Variants in ASIC2 observed in about 807,000 individuals in gnomAD.
ASIC2 encodes the protein acid sensing ion channel subunit 2.
A neutral mutation model predicts 57.3 loss-of-function variants in ASIC2; 25 were observed. The observed-to-expected ratio is 0.44, with a 90% CI of 0.32 to 0.61. ASIC2 has a LOEUF of 0.61. Ranked by LOEUF, ASIC2 falls within the 20% of genes least tolerant of loss-of-function variation. The probability of loss-of-function intolerance (pLI) is 0.06; values close to 1 mark genes in which losing one functional copy is unlikely to be tolerated. For missense variants in ASIC2, 641 were observed against 738.1 expected (o/e 0.87, Z 1.52); for synonymous variants, 319 against 307.5 (o/e 1.04, Z -0.39).
Position 33,819,790 on chromosome 17 carries a change from A to C in ASIC2, c.555+336188T>G, listed in dbSNP as rs546306467. Among the ~76,000 whole-genome samples, 3 of 152,314 alleles carry C rather than the reference A, an allele frequency of 2.0e-5. No individual in the cohort carries two copies. In the East Asian group the frequency reaches 5.8e-4, roughly 29 times the overall value. On this transcript the variant is annotated intron_variant, in intron 1 of 9. Transcript: ENST00000359872. ...AGTTACTTGGCTTCTCTGAGTCACA[A>C]AAAACATTAAACACAATGACACAGA...
At chr17:33,590,858 C>A (rs778641118) in intron 1 of ASIC2, among the ~76,000 whole-genome samples, 2 of 152,214 alleles carry the variant, frequency 1.3e-5, no homozygotes, top group African/African-American at 4.8e-5. Flanking sequence ...GTAGTCTTCT[C>A]CCTCCAAGAG....
chr17:34,029,375 CA>C (rs60189628), intron 1 of ASIC2, among the ~76,000 whole-genome samples: 19,555 of 110,386 alleles, frequency 0.18, 1,134 homozygotes, highest in Admixed American at 0.25. Flanking sequence ...GTGCTAAAAC[CA>C]AAAAAAAAAA....
chr17:33,469,475 A>T (rs796220670), intron 1 of ASIC2, among the ~76,000 whole-genome samples: 6 of 152,160 alleles, frequency 3.9e-5, no homozygotes, highest in African/African-American at 1.4e-4. Context: ...GCTTCCAGTT[A>T]CTCCTAAAGC....
intron 1 of ASIC2, among the ~76,000 whole-genome samples, chr17:33,418,097 A>T (rs1910923506): frequency 6.9e-6 from 1 of 145,742 alleles, no homozygotes; most frequent in Admixed American, 6.9e-5. Context: ...CTCCAGTGTG[A>T]CTGTCAAGCA....
intron 1 of ASIC2, among the ~76,000 whole-genome samples, chr17:34,100,181 C>G (rs200646504): frequency 2.8e-5 from 3 of 106,178 alleles, no homozygotes; most frequent in East Asian, 3.8e-4. Context: ...TCCTCTCTTT[C>G]TTGTTTTTTT....
chr17:33,168,691 C>A (rs544558771), intron 1 of ASIC2, among the ~76,000 whole-genome samples: 16 of 152,286 alleles, frequency 1.1e-4, no homozygotes, highest in African/African-American at 3.6e-4. Context: ...AATATCTAAG[C>A]AGCAAAGCAT....
At chr17:33,773,653 T>C (rs944227830) in intron 1 of ASIC2, among the ~76,000 whole-genome samples, 12 of 121,042 alleles carry the variant, frequency 9.9e-5, no homozygotes, top group Admixed American at 1.9e-4. Flanking sequence ...GTTTAGTCTC[T>C]CTGTTTTTTT....
At chr17:33,724,106 C>T (rs540535855) in intron 1 of ASIC2, among the ~76,000 whole-genome samples, 3 of 152,142 alleles carry the variant, frequency 2.0e-5, no homozygotes, top group African/African-American at 4.8e-5. Flanking sequence ...ATAAGTCTCA[C>T]GAGATCTGAT....
chr17:33,318,672 G>A (rs375152204), intron 1 of ASIC2, among the ~76,000 whole-genome samples: 12 of 152,108 alleles, frequency 7.9e-5, no homozygotes, highest in African/African-American at 7.2e-5. Flanking sequence ...AGTTCTCACC[G>A]TGAGGAAGGT....
chr17:33,977,844 C>T (rs965241073), intron 1 of ASIC2, among the ~76,000 whole-genome samples: 3 of 152,218 alleles, frequency 2.0e-5, no homozygotes, highest in African/African-American at 7.2e-5. Flanking sequence ...GACTCCTGCA[C>T]CCTGTGAGCA....
At chr17:33,879,470 A>G (rs914605377) in intron 1 of ASIC2, among the ~76,000 whole-genome samples, 3 of 152,258 alleles carry the variant, frequency 2.0e-5, no homozygotes, top group African/African-American at 7.2e-5. Flanking sequence ...CACTGATAAA[A>G]CAGACTTTAA....
At chr17:33,982,121 G>C (rs62058161) in intron 1 of ASIC2, among the ~76,000 whole-genome samples, 1 of 152,166 alleles carries the variant, frequency 6.6e-6, no homozygotes, top group Non-Finnish European at 1.5e-5. Context: ...GCCTGCTTTG[G>C]GGCTGAGCCA....
chr17:33,648,242 A>G (rs1366790983), intron 1 of ASIC2, among the ~76,000 whole-genome samples: 3 of 152,250 alleles, frequency 2.0e-5, no homozygotes, highest in Admixed American at 6.5e-5. Context: ...CTTGCTTCCC[A>G]GCTCTGGAAG....
At chr17:33,159,888 C>T (rs1567767696) in intron 1 of ASIC2, among the ~76,000 whole-genome samples, 1 of 152,178 alleles carries the variant, frequency 6.6e-6, no homozygotes, top group Non-Finnish European at 1.5e-5. Flanking sequence ...GTTCACATAG[C>T]ATGCACAATG....
intron 1 of ASIC2, among the ~76,000 whole-genome samples, chr17:33,381,657 A>C (rs148953819): frequency 1.8e-4 from 28 of 152,348 alleles, no homozygotes; most frequent in African/African-American, 5.3e-4. Context: ...GAAAATGAGA[A>C]AAAGTATAGA....
intron 1 of ASIC2, among the ~76,000 whole-genome samples, chr17:33,502,133 G>A (rs1380084179): frequency 6.6e-6 from 1 of 152,148 alleles, no homozygotes; most frequent in Non-Finnish European, 1.5e-5. Context: ...TTCCAAAGGG[G>A]ATGGGCAAGG....
chr17:33,393,279 G>A (rs1909965118), intron 1 of ASIC2, among the ~76,000 whole-genome samples: 1 of 152,084 alleles, frequency 6.6e-6, no homozygotes, highest in Admixed American at 6.5e-5. Flanking sequence ...AGTCATTGTG[G>A]CACTGTATGA....
chr17:33,158,463 T>C (rs1012488296), intron 1 of ASIC2, among the ~76,000 whole-genome samples: 2 of 152,198 alleles, frequency 1.3e-5, no homozygotes, highest in African/African-American at 2.4e-5. Flanking sequence ...AGGAGGTCCC[T>C]GGAGTATTAA....
At chr17:33,165,422 C>G (rs766717472) in intron 1 of ASIC2, among the ~76,000 whole-genome samples, 25 of 151,966 alleles carry the variant, frequency 1.6e-4, no homozygotes, top group Non-Finnish European at 3.2e-4. Flanking sequence ...AGTCTTGGGT[C>G]GGGTTTTCTA....
Sources: allele counts gnomAD v4.1 joint callset (sites outside exome capture counted in the v4.1 genomes callset), GRCh38; gene constraint gnomAD v4.1.1; transcripts MANE v1.5; gene names NCBI Gene and HGNC (gene_info 2026-07-23, HGNC 2026-07-21).